BMP6: variants seen among roughly 807,000 people sequenced by gnomAD.
The protein encoded by BMP6 is VG-1-R.
A neutral mutation model predicts 54.1 loss-of-function variants in BMP6; 17 were observed. That is an observed-to-expected ratio of 0.31 (90% confidence interval 0.22 to 0.47). The LOEUF (loss-of-function observed/expected upper bound fraction) is 0.47. BMP6 is among the 20% of genes least tolerant of loss of function. The pLI is 1.00. For synonymous variants in BMP6, 328 were observed against 291.2 expected (o/e 1.13, Z -1.28); for missense variants, 720 against 690.4 (o/e 1.04, Z -0.48).
intron 3 of BMP6, 63 bp downstream of exon 3, chr6:7,861,662 C>T (rs1278133501): frequency 1.2e-5 from 19 of 1,593,324 alleles, no homozygotes; most frequent in Non-Finnish European, 1.5e-5. Flanking sequence ...ATTTCCCTTA[C>T]AGCAGTTGTG....
At chr6:7,790,045 G>A (rs768958100) in intron 1 of BMP6, among the ~76,000 whole-genome samples, 5 of 152,166 alleles carry the variant, frequency 3.3e-5, no homozygotes, top group African/African-American at 4.8e-5. Flanking sequence ...TCTCAGGGTT[G>A]CCAGTGCTGC....
chr6:7,736,539 C>CTA (rs375417735), intron 1 of BMP6, among the ~76,000 whole-genome samples: 2 of 152,190 alleles, frequency 1.3e-5, no homozygotes, highest in African/African-American at 4.8e-5. Flanking sequence ...CAGAGTAAAA[C>CTA]TAAATTAACA....
At chr6:7,834,174 A>G (rs1758835572) in intron 1 of BMP6, among the ~76,000 whole-genome samples, 1 of 142,246 alleles carries the variant, frequency 7.0e-6, no homozygotes, top group African/African-American at 2.7e-5. Flanking sequence ...TGTTCCTCAC[A>G]AGAACAAATG....
At chr6:7,737,880 T>C (rs1464998370) in intron 1 of BMP6, among the ~76,000 whole-genome samples, 1 of 152,156 alleles carries the variant, frequency 6.6e-6, no homozygotes, top group Non-Finnish European at 1.5e-5. Flanking sequence ...ATCGGTTTAT[T>C]ATAGAGGAAA....
Position 7,726,782 on chromosome 6 carries a change from T to G in BMP6, c.-174T>G, listed in dbSNP as rs1761732257. ...TCGCCACCTCTCTAGCCTGGGCAACTGGGGGCGCCCCGGACGACCATGAGA... is the reference window on the plus strand; with the variant it reads ...TCGCCACCTCTCTAGCCTGGGCAACGGGGGGCGCCCCGGACGACCATGAGA... On this transcript the variant is annotated 5_prime_UTR_variant, in exon 1 of 7. Coordinates refer to ENST00000283147, the MANE Select transcript of BMP6 (RefSeq NM_001718.6). 2 of 254,194 alleles carry G rather than the reference T, an allele frequency of 7.9e-6. No individual in the cohort carries two copies. Among genetic ancestry groups the G allele is most frequent in the African/African-American group, 2.3e-5 (1 of 43,404 alleles). The allele number at this position is 254,194 out of a possible 1,614,324, so 15.7% of individuals were successfully genotyped here.
intron 1 of BMP6, among the ~76,000 whole-genome samples, chr6:7,741,786 T>G (rs149250244): frequency 6.6e-6 from 1 of 152,358 alleles, no homozygotes; most frequent in African/African-American, 2.4e-5. Flanking sequence ...GCATGAGGCT[T>G]CAACGAAGGA....
chr6:7,728,127 A>G (rs968929541), intron 1 of BMP6, among the ~76,000 whole-genome samples: 1 of 151,290 alleles, frequency 6.6e-6, no homozygotes, highest in African/African-American at 2.4e-5. Context: ...GAACTTTGAA[A>G]ACTTGGCATG....
chr6:7,836,511 G>A (rs1018505444), intron 1 of BMP6, among the ~76,000 whole-genome samples: 1 of 152,174 alleles, frequency 6.6e-6, no homozygotes, highest in Non-Finnish European at 1.5e-5. Context: ...GCCAATGTCA[G>A]TTTCCTGGTT....
intron 1 of BMP6, among the ~76,000 whole-genome samples, chr6:7,790,063 T>G (rs1225804019): frequency 6.6e-6 from 1 of 152,196 alleles, no homozygotes; most frequent in African/African-American, 2.4e-5. Context: ...TGCTTGGCAC[T>G]GTTCAGTGTC....
At chr6:7,794,709 C>T (rs780284325) in intron 1 of BMP6, among the ~76,000 whole-genome samples, 2 of 151,842 alleles carry the variant, frequency 1.3e-5, no homozygotes, top group African/African-American at 4.8e-5. Flanking sequence ...CTTAGGAGAT[C>T]GTATTCTCAG....
intron 2 of BMP6, among the ~76,000 whole-genome samples, chr6:7,859,893 T>G (rs76979246): frequency 1.3e-5 from 2 of 152,284 alleles, no homozygotes; most frequent in East Asian, 3.9e-4. Context: ...CCTTCTCACT[T>G]TAAGTGGCCA....
intron 1 of BMP6, among the ~76,000 whole-genome samples, chr6:7,742,890 G>T (rs778125105): frequency 6.6e-6 from 1 of 152,118 alleles, no homozygotes. Flanking sequence ...AGACAGGTAG[G>T]TCCTGGAACA....
intron 1 of BMP6, among the ~76,000 whole-genome samples, chr6:7,793,305 C>T (rs536347697): frequency 5.3e-5 from 8 of 150,840 alleles, no homozygotes; most frequent in Admixed American, 1.3e-4. Flanking sequence ...TCCAACTGTA[C>T]GACATTCTGG....
At chr6:7,771,367 G>A (rs1757783843) in intron 1 of BMP6, among the ~76,000 whole-genome samples, 2 of 152,176 alleles carry the variant, frequency 1.3e-5, no homozygotes, top group South Asian at 4.1e-4. Context: ...CTTGGTGTCT[G>A]CTGCTGTGCC....
intron 1 of BMP6, 130 bp downstream of exon 1, chr6:7,727,749 G>T: frequency 8.6e-7 from 1 of 1,159,686 alleles, no homozygotes; most frequent in East Asian, 3.2e-5. Context: ...GAGAACGCGG[G>T]GACAGGCAGG....
At position 7,753,495 on chromosome 6, in the gene BMP6, C is replaced by T. The variant is rs567571595; in HGVS notation, c.664+25876C>T. 4.6e-5 allele frequency among the ~76,000 whole-genome samples: 7 copies of T among 152,276 alleles called. No homozygotes were observed. The South Asian group carries it at 8.3e-4, about 18-fold the overall frequency. ...GGTGATTCATAGGCACAGTAAGGTTCGAGAAGCACTGATCCAACCCACAGC... is the reference window on the plus strand; with the variant it reads ...GGTGATTCATAGGCACAGTAAGGTTTGAGAAGCACTGATCCAACCCACAGC... On this transcript the variant is annotated intron_variant, in intron 1 of 6. Coordinates refer to ENST00000283147, the MANE Select transcript of BMP6 (RefSeq NM_001718.6).
Position 7,880,098 on chromosome 6 carries a change from C to T in BMP6, c.1389C>T (p.Thr463=), listed in dbSNP as rs761657233. The T allele has an allele frequency of 1.2e-6, 2 of 1,614,016 alleles. No individual in the cohort carries two copies. Among genetic ancestry groups the T allele is most frequent in the African/African-American group, 1.3e-5 (1 of 74,910 alleles). The change falls in exon 6 of 7, where the codon ACC becomes ACT. Residue 463 remains threonine, a synonymous_variant. Transcript: ENST00000283147. ...CAACCAACCACGCGATTGTGCAGAC[C>T]TTGGTGAGCTCTCGGAGACTTTGTT... ...MNATNHAIVQ[T]LVHLMNPEYV... is the part of the protein sequence containing the mutation.
chr6:7,862,988 G>GT (rs952535367), intron 4 of BMP6, among the ~76,000 whole-genome samples: 4 of 151,912 alleles, frequency 2.6e-5, no homozygotes, highest in East Asian at 1.9e-4. Flanking sequence ...GAGGTTGAGG[G>GT]TTTTTTTGTT....
At chr6:7,822,773 C>T (rs1758631504) in intron 1 of BMP6, among the ~76,000 whole-genome samples, 1 of 152,072 alleles carries the variant, frequency 6.6e-6, no homozygotes, top group Admixed American at 6.6e-5. Context: ...TTTCAAAAAC[C>T]TGAGTTCCAG....
Sources: allele counts gnomAD v4.1 joint callset (sites outside exome capture counted in the v4.1 genomes callset), GRCh38; gene constraint gnomAD v4.1.1; transcripts MANE v1.5; gene names NCBI Gene and HGNC (gene_info 2026-07-23, HGNC 2026-07-21).